Variants in MLEC observed in about 807,000 individuals in gnomAD.
MLEC encodes the protein malectin.
Under a neutral mutation model 28.7 loss-of-function variants are expected in MLEC, and 7 were observed. The observed-to-expected ratio is 0.24, with a 90% CI of 0.14 to 0.46. The LOEUF (loss-of-function observed/expected upper bound fraction) is 0.46. MLEC is among the 20% of genes least tolerant of loss of function. The pLI is 0.99. For missense variants in MLEC, 237 were observed against 391.1 expected, an observed-to-expected ratio of 0.61 and a Z score of 3.32; for synonymous variants, 142 against 164.4, an observed-to-expected ratio of 0.86 and a Z score of 1.04.
In MLEC at chr12:120,694,209, G is replaced by A; in HGVS notation, c.354G>A (p.Glu118=). The A allele has an allele frequency of 6.2e-7, 1 of 1,614,190 alleles. No homozygotes were observed. The highest frequency in any genetic ancestry group is 1.1e-5 in the South Asian group (1 of 91,086). Reference sequence around the variant, plus strand: ...GCTACGAAGTGCCCATCAAAGAGGAGGGGGACTACGTGCTGGTCTTGAAAT... The same window carrying A: ...GCTACGAAGTGCCCATCAAAGAGGAAGGGGACTACGTGCTGGTCTTGAAAT... The part of the protein sequence containing the change: ...TFGYEVPIKE[E]GDYVLVLKFA... The change falls in exon 2 of 5, where the codon GAG becomes GAA. Residue 118 remains glutamate, a synonymous_variant. Transcript: ENST00000228506. This position sits in a 1 kb window ranked among gnomAD's most constrained non-coding sequence, Gnocchi z 4.5.
chr12:120,700,812 G>A lies in MLEC; in HGVS notation c.*4267G>A, dbSNP rs1882419045. ...TTGGTACCAGTAGATCAGCTGCCTA[G>A]CGAGGGCAGGTTTCTTCTTTGCATC... On this transcript the variant is annotated 3_prime_UTR_variant, in exon 5 of 5. Coordinates refer to ENST00000228506, the MANE Select transcript of MLEC (RefSeq NM_014730.4). This position sits in a 1 kb window ranked among gnomAD's most constrained non-coding sequence, Gnocchi z 4.0. The A allele has an allele frequency of 6.6e-6, 1 of 152,228 alleles. No individual in the cohort carries two copies. The highest frequency in any genetic ancestry group is 1.5e-5 in the Non-Finnish European group (1 of 68,056). The allele number at this position is 152,228 out of a possible 1,614,324, so 9.4% of individuals were successfully genotyped here.
rs1370002732 is a variant in MLEC, at chr12:120,701,670, A to G, written c.*5125A>G. 1 of 152,768 alleles carries G rather than the reference A, an allele frequency of 6.5e-6. No homozygotes were observed. The highest frequency in any genetic ancestry group is 1.5e-5 in the Non-Finnish European group (1 of 68,172). 9.5% of individuals were successfully genotyped at this position (152,768 alleles called of 1,614,324 possible). On this transcript the variant is annotated 3_prime_UTR_variant, in exon 5 of 5. Coordinates refer to ENST00000228506, the MANE Select transcript of MLEC (RefSeq NM_014730.4). The surrounding 1 kb of genome is among the most constrained non-coding windows in gnomAD (Gnocchi z 4.0). The stretch of plus-strand genomic sequence containing the variant: ...TGCATTGACAGCGGCACAGTGAGAT[A>G]TAACTGATGGGCTTTGAACCTGGTT...
rs770330301 is a variant in MLEC, at chr12:120,695,125, C to A, written c.622C>A (p.Leu208Ile). The A allele has an allele frequency of 6.2e-7, 1 of 1,614,200 alleles. No homozygotes were observed. Among genetic ancestry groups the A allele is most frequent in the East Asian group, 2.2e-5 (1 of 44,886 alleles). ...CTATGACAATCCCAAGGTCTGTGCA[C>A]TCTACATCATGGCTGGGACAGTGGA... ...GYYDNPKVCA[L>I]YIMAGTVDDV... is the part of the protein sequence containing the mutation. Residue 208 changes from leucine to isoleucine, a missense_variant, in exon 4 of 5, where the codon CTC becomes ATC. Physicochemically the swap from Leu to Ile is conservative, Grantham distance 5. Coordinates refer to ENST00000228506, the MANE Select transcript of MLEC (RefSeq NM_014730.4).
At chr12:120,695,519 A>T (rs1163518969) in intron 4 of MLEC, among the ~76,000 whole-genome samples, 2 of 152,210 alleles carry the variant, frequency 1.3e-5, no homozygotes, top group African/African-American at 2.4e-5. Flanking sequence ...GGGGAAAAAA[A>T]GGTAAAAGGA....
chr12:120,699,384 G>T lies in MLEC; in HGVS notation c.*2839G>T, dbSNP rs1362794984. On this transcript the variant is annotated 3_prime_UTR_variant, in exon 5 of 5. Coordinates refer to ENST00000228506, the MANE Select transcript of MLEC (RefSeq NM_014730.4). ...CTGAGCCCAGCTGACTGAAAACAAG[G>T]ACAGTCAGGGTGAAACTTCTTTTGC... 1 of 152,458 alleles carries T rather than the reference G, an allele frequency of 6.6e-6. No individual in the cohort carries two copies. 9.4% of individuals were successfully genotyped at this position (152,458 alleles called of 1,614,324 possible). A position where few individuals can be genotyped will look rare whatever the true frequency, so the allele number is the denominator to read the frequency against.
intron 4 of MLEC, among the ~76,000 whole-genome samples, chr12:120,695,762 C>CA (rs1375040094): frequency 6.6e-6 from 1 of 152,198 alleles, no homozygotes; most frequent in Non-Finnish European, 1.5e-5. Context: ...TTCCCCAACT[C>CA]AATCTTGAAT....
intron 1 of MLEC, among the ~76,000 whole-genome samples, chr12:120,690,027 G>C: frequency 6.6e-6 from 1 of 152,184 alleles, no homozygotes; most frequent in South Asian, 2.1e-4. Flanking sequence ...CTTGAGGATA[G>C]CTAGTGCTTA....
In MLEC at chr12:120,687,565, G is replaced by A; in HGVS notation, c.235+34G>A. On this transcript the variant is annotated intron_variant, in intron 1 of 4. Transcript: ENST00000228506. The surrounding 1 kb of genome is among the most constrained non-coding windows in gnomAD (Gnocchi z 8.1). ...CCCCCTGCCGAGCCGCGGGATCCAG[G>A]GCCTGCTGTGCTGGGCGCAGCCGGC... The A allele has an allele frequency of 1.4e-6, 2 of 1,469,300 alleles. No homozygotes were observed. The highest frequency in any genetic ancestry group is 1.8e-6 in the Non-Finnish European group (2 of 1,105,942). 91.0% of individuals were successfully genotyped at this position (1,469,300 alleles called of 1,614,324 possible). A position where few individuals can be genotyped will look rare whatever the true frequency, so the allele number is the denominator to read the frequency against.
Position 120,694,176 on chromosome 12 carries a change from G to T in MLEC, c.321G>T (p.Glu107Asp), listed in dbSNP as rs760097806. Residue 107 changes from glutamate to aspartate, a missense_variant, in exon 2 of 5, where the codon GAG (glutamate) becomes GAT (aspartate). Physicochemically the swap from Glu to Asp is conservative, Grantham distance 45. Transcript: ENST00000228506. The surrounding 1 kb of genome is among the most constrained non-coding windows in gnomAD (Gnocchi z 4.5). ...ATCAAACTGAGCGGTACAATGAGGA[G>T]ACCTTTGGCTACGAAGTGCCCATCA... ...ILYQTERYNE[E>D]TFGYEVPIKE... is the part of the protein sequence containing the mutation. The T allele has an allele frequency of 6.2e-7, 1 of 1,614,230 alleles. No individual in the cohort carries two copies. Among genetic ancestry groups the T allele is most frequent in the Non-Finnish European group, 8.5e-7 (1 of 1,180,044 alleles).
chr12:120,689,365 G>A (rs1881949407), intron 1 of MLEC, among the ~76,000 whole-genome samples: 1 of 152,120 alleles, frequency 6.6e-6, no homozygotes, highest in African/African-American at 2.4e-5. Flanking sequence ...GTGTGTACTG[G>A]AGTCCTATTT....
At position 120,700,429 on chromosome 12, in the gene MLEC, G is replaced by A. The variant is rs1189825279; in HGVS notation, c.*3884G>A. ...GGAGAGTAGGTGAGCTTTCCAAAGTGAGAGACGAATCTTTCTTTCTTTTTT... is the reference window on the plus strand; with the variant it reads ...GGAGAGTAGGTGAGCTTTCCAAAGTAAGAGACGAATCTTTCTTTCTTTTTT... On this transcript the variant is annotated 3_prime_UTR_variant, in exon 5 of 5. Transcript: ENST00000228506. The surrounding 1 kb of genome is among the most constrained non-coding windows in gnomAD (Gnocchi z 4.0). The A allele has an allele frequency of 6.6e-6, 1 of 152,610 alleles. No individual in the cohort carries two copies. Among genetic ancestry groups the A allele is most frequent in the Non-Finnish European group, 1.5e-5 (1 of 68,036 alleles). 9.5% of individuals were successfully genotyped at this position (152,610 alleles called of 1,614,324 possible). A position where few individuals can be genotyped will look rare whatever the true frequency, so the allele number is the denominator to read the frequency against.
Position 120,697,095 on chromosome 12 carries a change from C to T in MLEC, c.*550C>T, listed in dbSNP as rs1441489986. On this transcript the variant is annotated 3_prime_UTR_variant, in exon 5 of 5. Transcript: ENST00000228506. This position sits in a 1 kb window ranked among gnomAD's most constrained non-coding sequence, Gnocchi z 4.8. ...TAAAAAAAAAGAAAGAAAATGCTTCCTTATCTGGAAGCCTTTCTGGATTAA... is the reference window on the plus strand; with the variant it reads ...TAAAAAAAAAGAAAGAAAATGCTTCTTTATCTGGAAGCCTTTCTGGATTAA... 6.5e-6 allele frequency: 1 copy of T among 153,632 alleles called. No homozygotes were observed. Among genetic ancestry groups the T allele is most frequent in the African/African-American group, 2.4e-5 (1 of 41,414 alleles). The allele number at this position is 153,632 out of a possible 1,614,324, so 9.5% of individuals were successfully genotyped here. A position where few individuals can be genotyped will look rare whatever the true frequency, so the allele number is the denominator to read the frequency against.
chr12:120,691,957 G>T (rs1882052269), intron 1 of MLEC, among the ~76,000 whole-genome samples: 1 of 152,116 alleles, frequency 6.6e-6, no homozygotes, highest in Non-Finnish European at 1.5e-5. Flanking sequence ...GTTGGAGTTG[G>T]AGACCAGCTT....
intron 1 of MLEC, 189 bp from the exon 2 acceptor site, chr12:120,693,902 T>TC (rs1882126734): frequency 5.6e-6 from 3 of 536,448 alleles, no homozygotes. Context: ...ATTTTACTCT[T>TC]CCATAGTAAT....
Position 120,687,596 on chromosome 12 carries a change from G to C in MLEC, c.235+65G>C. 7.7e-7 allele frequency: 1 copy of C among 1,306,428 alleles called. No individual in the cohort carries two copies. Among genetic ancestry groups the C allele is most frequent in the Non-Finnish European group, 1.0e-6 (1 of 986,946 alleles). 80.9% of individuals were successfully genotyped at this position (1,306,428 alleles called of 1,614,324 possible). A position where few individuals can be genotyped will look rare whatever the true frequency, so the allele number is the denominator to read the frequency against. On this transcript the variant is annotated intron_variant, in intron 1 of 4. Coordinates refer to ENST00000228506, the MANE Select transcript of MLEC (RefSeq NM_014730.4). The surrounding 1 kb of genome is among the most constrained non-coding windows in gnomAD (Gnocchi z 8.1). The stretch of plus-strand genomic sequence containing the variant: ...CTGTGCTGGGCGCAGCCGGCCGGGG[G>C]CTGCGGGCCCCGAGCCCCTTTCGAC...
In MLEC at chr12:120,701,116, A is replaced by C. The variant is rs1882431452; in HGVS notation, c.*4571A>C. The C allele has an allele frequency of 6.6e-6, 1 of 152,260 alleles. No individual in the cohort carries two copies. Among genetic ancestry groups the C allele is most frequent in the Non-Finnish European group, 1.5e-5 (1 of 68,066 alleles). 9.4% of individuals were successfully genotyped at this position (152,260 alleles called of 1,614,324 possible). ...AGGCAGTCTTGTGAGATGGGGGCAC[A>C]TAGCACTGGGGAAAGCAGAACTCCA... On this transcript the variant is annotated 3_prime_UTR_variant, in exon 5 of 5. Coordinates refer to ENST00000228506, the MANE Select transcript of MLEC (RefSeq NM_014730.4). This position sits in a 1 kb window ranked among gnomAD's most constrained non-coding sequence, Gnocchi z 4.0.
intron 1 of MLEC, among the ~76,000 whole-genome samples, chr12:120,689,680 T>C (rs1881965651): frequency 6.6e-6 from 1 of 152,252 alleles, no homozygotes; most frequent in Non-Finnish European, 1.5e-5. Context: ...CTGCCTTTCT[T>C]CTGGGCCTGT....
At position 120,687,613 on chromosome 12, in the gene MLEC, C is replaced by T. The variant is rs1881876024; in HGVS notation, c.235+82C>T. On this transcript the variant is annotated intron_variant, in intron 1 of 4. Coordinates refer to ENST00000228506, the MANE Select transcript of MLEC (RefSeq NM_014730.4). The surrounding 1 kb of genome is among the most constrained non-coding windows in gnomAD (Gnocchi z 8.1). ...GGCCGGGGGCTGCGGGCCCCGAGCC[C>T]CTTTCGACCCTGGGGCCGCGTCTCT... is the stretch of plus-strand genomic sequence containing the variant. 2.7e-6 allele frequency: 3 copies of T among 1,121,950 alleles called. No homozygotes were observed. Among genetic ancestry groups the T allele is most frequent in the Non-Finnish European group, 3.6e-6 (3 of 830,256 alleles). 69.5% of individuals were successfully genotyped at this position (1,121,950 alleles called of 1,614,324 possible). A position where few individuals can be genotyped will look rare whatever the true frequency, so the allele number is the denominator to read the frequency against.
At position 120,694,565 on chromosome 12, in the gene MLEC, T is replaced by G. The variant is rs1412790179; in HGVS notation, c.415-259T>G. ...GCCTTATTTTTCCTCTGTCCCTTCC[T>G]GTGAATTTCCTTCTTCCTATGCTAA... On this transcript the variant is annotated intron_variant, in intron 2 of 4. Transcript: ENST00000228506. This position sits in a 1 kb window ranked among gnomAD's most constrained non-coding sequence, Gnocchi z 4.5. 2.0e-5 allele frequency among the ~76,000 whole-genome samples: 3 copies of G among 152,210 alleles called. No homozygotes were observed.
Sources: gnomAD v4.1 joint callset for allele counts (sites outside exome capture counted in the v4.1 genomes callset) on GRCh38, gnomAD v4.1.1 for gene constraint, Gnocchi (gnomAD v3.1) non-coding constraint, MANE v1.5 for transcripts, NCBI Gene and HGNC (gene_info 2026-07-23, HGNC 2026-07-21) for gene names.